TSPAN7: variants seen among roughly 807,000 people sequenced by gnomAD.
The protein encoded by TSPAN7 is tetraspanin-7.
Under a neutral mutation model 17.6 loss-of-function variants are expected in TSPAN7, and 1 was observed. The observed-to-expected ratio is 0.06, with a 90% confidence interval of 0.02 to 0.27. The LOEUF (loss-of-function observed/expected upper bound fraction) is 0.27, where lower values mean the gene tolerates loss of function less well. Ranked by LOEUF, TSPAN7 falls within the 10% of genes least tolerant of loss-of-function variation. The pLI is 1.00. For missense variants in TSPAN7, 112 were observed against 201.7 expected (o/e 0.56, Z 2.69); for synonymous variants, 78 against 79.0 (o/e 0.99, Z 0.07).
At chrX:38,590,851 A>G (rs1273031423) in intron 1 of TSPAN7, among the ~76,000 whole-genome samples, 2 of 112,055 alleles carry the variant, frequency 1.8e-5, no homozygotes, top group Admixed American at 1.9e-4. Context: ...GATTATGCTT[A>G]CAGTATCTGT....
chrX:38,583,949 C>CTTT (rs34777484), intron 1 of TSPAN7, among the ~76,000 whole-genome samples: 58 of 66,943 alleles, frequency 8.7e-4, no homozygotes, highest in Non-Finnish European at 1.1e-3. Context: ...TTTTTCTTTT[C>CTTT]TTTTTTTTTT....
intron 1 of TSPAN7, among the ~76,000 whole-genome samples, chrX:38,661,950 A>G (rs1046178835): frequency 9.0e-6 from 1 of 111,716 alleles, no homozygotes; most frequent in Non-Finnish European, 1.9e-5. Flanking sequence ...GAGCCAAGAA[A>G]AAATTTATAC....
intron 5 of TSPAN7, among the ~76,000 whole-genome samples, chrX:38,678,764 C>T (rs1451464974): frequency 1.8e-5 from 2 of 112,362 alleles, no homozygotes; most frequent in African/African-American, 6.5e-5. Flanking sequence ...TGATATGATT[C>T]ATTAACTTGC....
At chrX:38,634,316 C>T (rs2069567536) in intron 1 of TSPAN7, among the ~76,000 whole-genome samples, 1 of 112,093 alleles carries the variant, frequency 8.9e-6, no homozygotes, top group African/African-American at 3.2e-5. Context: ...CTGCATAAGG[C>T]TTTAAAAGGT....
At chrX:38,673,944 C>G (rs772660131) in intron 3 of TSPAN7, among the ~76,000 whole-genome samples, 1 of 111,288 alleles carries the variant, frequency 9.0e-6, no homozygotes, top group South Asian at 3.8e-4. Flanking sequence ...CCATCACAGG[C>G]CTTTCAGAAA....
intron 6 of TSPAN7, among the ~76,000 whole-genome samples, chrX:38,683,353 T>C (rs2069904434): frequency 8.8e-6 from 1 of 113,111 alleles, no homozygotes; most frequent in African/African-American, 3.2e-5. Context: ...TTAATCTCTC[T>C]GTGCTACCTT....
intron 1 of TSPAN7, among the ~76,000 whole-genome samples, chrX:38,661,022 C>T (rs1018330683): frequency 9.0e-6 from 1 of 111,696 alleles, no homozygotes; most frequent in African/African-American, 3.3e-5. Context: ...GTGGTCTGCA[C>T]GCACAAAACA....
intron 1 of TSPAN7, among the ~76,000 whole-genome samples, chrX:38,641,692 C>T (rs746518789): frequency 8.9e-6 from 1 of 111,860 alleles, no homozygotes; most frequent in African/African-American, 3.3e-5. Flanking sequence ...GTAATTTTCA[C>T]GGTGCTTTCC....
chrX:38,562,851 C>T lies in TSPAN7; in HGVS notation c.81+1224C>T, dbSNP rs949319076. 37 of 468,473 alleles carry T rather than the reference C, an allele frequency of 7.9e-5. No homozygotes were observed. In the African/African-American group the frequency reaches 9.1e-4, roughly 12 times the overall value. The allele number at this position is 468,473 out of a possible 1,213,427, so 38.6% of individuals were successfully genotyped here. A position where few individuals can be genotyped will look rare whatever the true frequency, so the allele number is the denominator to read the frequency against. On this transcript the variant is annotated intron_variant, in intron 1 of 7. Transcript: ENST00000378482. ...ATCTGGGTCATTTTAGCTTCTACGG[C>T]AGTCATTTTGAAATCTGAGGCTCTG... is the stretch of plus-strand genomic sequence containing the variant.
intron 1 of TSPAN7, among the ~76,000 whole-genome samples, chrX:38,636,644 T>C (rs1602107682): frequency 9.0e-6 from 1 of 111,348 alleles, no homozygotes; most frequent in Admixed American, 9.5e-5. Context: ...AGAATCAGCA[T>C]GAGGGGTAGG....
intron 1 of TSPAN7, among the ~76,000 whole-genome samples, chrX:38,563,455 T>C (rs2069125230): frequency 9.3e-6 from 1 of 107,891 alleles, no homozygotes; most frequent in South Asian, 4.0e-4. Context: ...TCCTATTTGT[T>C]ACTGGAGTGA....
rs763596595 is a variant in TSPAN7, at chrX:38,681,865, C to CA, written c.681+586dup. ...ATATCCCTTTATCTGTACCTACCCT[C>CA]AAAAAAAACAATGGGAGAAGTACTA... On this transcript the variant is annotated intron_variant, in intron 6 of 7. Transcript: ENST00000378482. Among the ~76,000 whole-genome samples, 12 of 110,935 alleles carry CA rather than the reference C, an allele frequency of 1.1e-4. No homozygotes were observed. In the South Asian group the frequency reaches 2.3e-3, roughly 21 times the overall value.
chrX:38,618,535 T>C (rs189385912), intron 1 of TSPAN7, among the ~76,000 whole-genome samples: 1 of 111,702 alleles, frequency 9.0e-6, no homozygotes, highest in Non-Finnish European at 1.9e-5. Flanking sequence ...GTGGGAACTT[T>C]TGTGTCTGAG....
chrX:38,685,078 A>C (rs1348839754), intron 6 of TSPAN7, among the ~76,000 whole-genome samples: 1 of 111,559 alleles, frequency 9.0e-6, no homozygotes, highest in East Asian at 2.8e-4. Flanking sequence ...CCAGGGTCTA[A>C]ATGCTGCTAA....
intron 1 of TSPAN7, among the ~76,000 whole-genome samples, chrX:38,585,452 C>G (rs1408168696): frequency 9.0e-6 from 1 of 111,202 alleles, no homozygotes; most frequent in Non-Finnish European, 1.9e-5. Context: ...TTATTTTTCC[C>G]CTAACTTCTA....
intron 1 of TSPAN7, among the ~76,000 whole-genome samples, chrX:38,629,938 T>C (rs2069540615): frequency 8.9e-6 from 1 of 112,103 alleles, no homozygotes; most frequent in African/African-American, 3.2e-5. Context: ...TCCTTTGGGC[T>C]CTAAAATTGG....
chrX:38,591,765 C>T (rs1602091000), intron 1 of TSPAN7, among the ~76,000 whole-genome samples: 1 of 112,016 alleles, frequency 8.9e-6, no homozygotes, highest in African/African-American at 3.2e-5. Context: ...AAATAAGCTT[C>T]TTTATCCATG....
intron 1 of TSPAN7, among the ~76,000 whole-genome samples, chrX:38,634,638 T>C (rs1205793977): frequency 8.9e-6 from 1 of 111,783 alleles, no homozygotes; most frequent in Non-Finnish European, 1.9e-5. Flanking sequence ...ACCACCATGG[T>C]AGCAGCAGAC....
intron 1 of TSPAN7, among the ~76,000 whole-genome samples, chrX:38,614,887 A>C (rs771283634): frequency 8.9e-6 from 1 of 112,203 alleles, no homozygotes; most frequent in East Asian, 2.8e-4. Context: ...CCAGCATCAC[A>C]TTTCCCTATT....
Sources: allele counts gnomAD v4.1 joint callset (sites outside exome capture counted in the v4.1 genomes callset), GRCh38; gene constraint gnomAD v4.1.1; transcripts MANE v1.5; gene names NCBI Gene and HGNC (gene_info 2026-07-23, HGNC 2026-07-21).